SLIT3: variants seen among roughly 807,000 people sequenced by gnomAD.
The protein encoded by SLIT3 is slit homolog 3 protein.
A neutral mutation model predicts 184.0 loss-of-function variants in SLIT3; 68 were observed. The observed-to-expected ratio is 0.37, with a 90% CI of 0.30 to 0.45. The LOEUF is 0.45. SLIT3 is among the 20% of genes least tolerant of loss of function. SLIT3 has a pLI of 1.00. For synonymous variants in SLIT3, 831 were observed against 828.6 expected, an observed-to-expected ratio of 1.00 and a Z score of -0.05; for missense variants, 1,707 against 2,026.0, an observed-to-expected ratio of 0.84 and a Z score of 3.02.
At chr5:169,058,569 G>T (rs1165725653) in intron 4 of SLIT3, among the ~76,000 whole-genome samples, 1 of 152,200 alleles carries the variant, frequency 6.6e-6, no homozygotes, top group Non-Finnish European at 1.5e-5. Flanking sequence ...ATGAAATCCT[G>T]CACTTTAAGT....
At chr5:169,150,570 A>G (rs1395569868) in intron 4 of SLIT3, among the ~76,000 whole-genome samples, 1 of 151,896 alleles carries the variant, frequency 6.6e-6, no homozygotes, top group African/African-American at 2.4e-5. Context: ...GGATGTACAA[A>G]CTTTGAATGG....
At chr5:168,907,969 T>TAGAGAGAGAG (rs1426074287) in intron 4 of SLIT3, among the ~76,000 whole-genome samples, 66 of 76,668 alleles carry the variant, frequency 8.6e-4, no homozygotes, top group African/African-American at 9.6e-4. Context: ...TATATATATA[T>TAGAGAGAGAG]ATATATATAT....
intron 20 of SLIT3, among the ~76,000 whole-genome samples, chr5:168,745,434 CAG>C (rs1763770106): frequency 6.7e-6 from 1 of 150,018 alleles, no homozygotes; most frequent in East Asian, 2.0e-4. Flanking sequence ...TTTTTTGAGA[CAG>C]AGTCTCACTT....
chr5:168,775,323 C>T (rs927618723), intron 12 of SLIT3, among the ~76,000 whole-genome samples: 4 of 152,206 alleles, frequency 2.6e-5, no homozygotes, highest in Non-Finnish European at 4.4e-5. Context: ...AGGTGTGAGC[C>T]ACCACGCCCG....
At chr5:169,013,917 T>C (rs924448784) in intron 4 of SLIT3, among the ~76,000 whole-genome samples, 9 of 152,200 alleles carry the variant, frequency 5.9e-5, no homozygotes, top group Non-Finnish European at 1.2e-4. Context: ...AGGCTGTTGG[T>C]TCCCTGAGAA....
intron 1 of SLIT3, among the ~76,000 whole-genome samples, chr5:169,298,462 G>A (rs893953416): frequency 6.6e-6 from 1 of 152,122 alleles, no homozygotes; most frequent in Non-Finnish European, 1.5e-5. Flanking sequence ...AGGAGGAGAG[G>A]GACTTACTCT....
intron 7 of SLIT3, among the ~76,000 whole-genome samples, chr5:168,820,034 A>AG (rs1209294672): frequency 2.0e-5 from 3 of 152,200 alleles, no homozygotes; most frequent in African/African-American, 7.2e-5. Flanking sequence ...CTTGCCTTTC[A>AG]CAACATGTTT....
intron 4 of SLIT3, among the ~76,000 whole-genome samples, chr5:168,966,978 A>G (rs1244380855): frequency 6.6e-6 from 1 of 152,166 alleles, no homozygotes; most frequent in Non-Finnish European, 1.5e-5. Flanking sequence ...AATATGACAA[A>G]GCCCCCCAAA....
chr5:168,957,567 C>G (rs1042148119), intron 4 of SLIT3, among the ~76,000 whole-genome samples: 4 of 152,212 alleles, frequency 2.6e-5, no homozygotes, highest in Non-Finnish European at 4.4e-5. Context: ...GACGCTGATG[C>G]TGCTGGTTCC....
intron 4 of SLIT3, among the ~76,000 whole-genome samples, chr5:168,942,144 C>T (rs1762353366): frequency 6.6e-6 from 1 of 152,190 alleles, no homozygotes; most frequent in East Asian, 1.9e-4. Context: ...GGCACATGAC[C>T]AAGCTGGGCC....
chr5:168,701,521 G>A (rs1002419054), intron 26 of SLIT3, among the ~76,000 whole-genome samples: 12 of 152,334 alleles, frequency 7.9e-5, no homozygotes, highest in Non-Finnish European at 1.8e-4. Flanking sequence ...GTGGGGAGAG[G>A]AGCGTGCCAG....
intron 5 of SLIT3, among the ~76,000 whole-genome samples, chr5:168,858,175 C>A (rs1201899584): frequency 6.6e-6 from 1 of 152,176 alleles, no homozygotes; most frequent in East Asian, 1.9e-4. Flanking sequence ...TCTAGAAGTG[C>A]GGAACACAGT....
At chr5:168,712,448 A>G (rs1333698080) in intron 23 of SLIT3, 94 bp from the exon 24 acceptor site, 1 of 1,091,704 alleles carries the variant, frequency 9.2e-7, no homozygotes, top group Admixed American at 1.8e-5. Flanking sequence ...GCCACCCTTC[A>G]GTTTTGCTCA....
intron 4 of SLIT3, among the ~76,000 whole-genome samples, chr5:169,122,068 G>A (rs1760897142): frequency 6.6e-6 from 1 of 152,200 alleles, no homozygotes; most frequent in South Asian, 2.1e-4. Context: ...CTGAGGGTGA[G>A]GAGTTGGCCA....
At chr5:169,106,700 T>TCC (rs1760222768) in intron 4 of SLIT3, among the ~76,000 whole-genome samples, 1 of 152,156 alleles carries the variant, frequency 6.6e-6, no homozygotes. Flanking sequence ...TGCAAAGGCA[T>TCC]CCCATCTTGC....
chr5:168,928,973 A>C (rs1199148194), intron 4 of SLIT3, among the ~76,000 whole-genome samples: 1 of 152,246 alleles, frequency 6.6e-6, no homozygotes, highest in Non-Finnish European at 1.5e-5. Context: ...CCCAGACTCA[A>C]TAATGAATAA....
chr5:168,760,033 C>G (rs1755090032), intron 16 of SLIT3, among the ~76,000 whole-genome samples: 2 of 152,166 alleles, frequency 1.3e-5, no homozygotes, highest in Admixed American at 1.3e-4. Context: ...CAGGTGGACC[C>G]AAGTCTGAAT....
At chr5:168,714,727 G>A (rs946492201) in intron 23 of SLIT3, among the ~76,000 whole-genome samples, 2 of 152,138 alleles carry the variant, frequency 1.3e-5, no homozygotes, top group African/African-American at 4.8e-5. Flanking sequence ...CATCCTAAAG[G>A]ATGCTAGAGA....
intron 3 of SLIT3, among the ~76,000 whole-genome samples, chr5:169,210,808 A>G (rs1764239487): frequency 6.6e-6 from 1 of 152,214 alleles, no homozygotes; most frequent in Admixed American, 6.5e-5. Context: ...ATTGTTTCCA[A>G]TTCTTCCGCA....
Sources: gnomAD v4.1 joint callset for allele counts (sites outside exome capture counted in the v4.1 genomes callset) on GRCh38, gnomAD v4.1.1 for gene constraint, MANE v1.5 for transcripts, NCBI Gene and HGNC (gene_info 2026-07-23, HGNC 2026-07-21) for gene names.